The following MAF variants were observed in gnomAD, a reference collection of about 807,000 sequenced individuals.
MAF encodes the protein transcription factor Maf.
MAF carries 10 observed loss-of-function variants against 22.0 expected under a neutral mutation model. The observed-to-expected ratio is 0.45, with a 90% CI of 0.28 to 0.77. The LOEUF (loss-of-function observed/expected upper bound fraction) is 0.77. Among genes scored for constraint, MAF ranks in the 30% least tolerant of loss-of-function variants. MAF has a pLI of 0.12. For missense variants in MAF, 544 were observed against 548.4 expected (o/e 0.99, Z 0.08); for synonymous variants, 337 against 255.8 (o/e 1.32, Z -3.03).
chr16:79,319,125 C>T, the MAF span, among the ~76,000 whole-genome samples: 1 of 152,308 alleles, frequency 6.6e-6, no homozygotes, highest in South Asian at 2.1e-4. Context: ...CCCTGGCACA[C>T]TCCAAATATC....
At chr16:79,356,182 G>GCA in the MAF span, among the ~76,000 whole-genome samples, 88 of 150,416 alleles carry the variant, frequency 5.9e-4, no homozygotes, top group South Asian at 4.0e-3. Context: ...TCATACATGT[G>GCA]CACACACACA....
chr16:79,283,197 G>C, the MAF span, among the ~76,000 whole-genome samples: 260 of 152,278 alleles, frequency 1.7e-3, no homozygotes, highest in African/African-American at 5.9e-3. Flanking sequence ...TGGATGGATG[G>C]ATGAATGGAT....
At chr16:79,400,924 G>A in the MAF span, among the ~76,000 whole-genome samples, 2 of 152,282 alleles carry the variant, frequency 1.3e-5, no homozygotes, top group Non-Finnish European at 2.9e-5. Context: ...CTGAGCAGCT[G>A]ATCTGCCTGT....
At chr16:79,448,094 A>T in the MAF span, among the ~76,000 whole-genome samples, 1 of 152,170 alleles carries the variant, frequency 6.6e-6, no homozygotes, top group Non-Finnish European at 1.5e-5. Flanking sequence ...CTTAGTTGAT[A>T]AAGCAGCAGC....
chr16:79,539,257 A>C, the MAF span, among the ~76,000 whole-genome samples: 1 of 152,214 alleles, frequency 6.6e-6, no homozygotes, highest in South Asian at 2.1e-4. Flanking sequence ...TAATCCCAGC[A>C]CTTCGGGAGG....
the MAF span, among the ~76,000 whole-genome samples, chr16:79,232,253 G>A: frequency 2.6e-5 from 4 of 152,050 alleles, no homozygotes; most frequent in African/African-American, 9.6e-5. Flanking sequence ...TACATATACT[G>A]TGGTCTATTA....
chr16:79,361,502 C>T, the MAF span, among the ~76,000 whole-genome samples: 2 of 152,250 alleles, frequency 1.3e-5, no homozygotes, highest in South Asian at 2.1e-4. Flanking sequence ...TTAGCACTTT[C>T]CCCCGGATTG....
chr16:79,331,281 A>G, the MAF span, among the ~76,000 whole-genome samples: 1 of 152,192 alleles, frequency 6.6e-6, no homozygotes. Context: ...CAGTCAACAT[A>G]TACAGGCAGG....
At chr16:79,576,831 T>A in the MAF span, among the ~76,000 whole-genome samples, 1 of 152,226 alleles carries the variant, frequency 6.6e-6, no homozygotes, top group Non-Finnish European at 1.5e-5. Flanking sequence ...TATTTAGTCC[T>A]CTACACATGC....
chr16:79,426,873 A>G, the MAF span, among the ~76,000 whole-genome samples: 9 of 152,212 alleles, frequency 5.9e-5, no homozygotes, highest in Non-Finnish European at 1.0e-4. Flanking sequence ...AAATCCCACA[A>G]TGAAGCTGAC....
the MAF span, among the ~76,000 whole-genome samples, chr16:79,487,745 A>G: frequency 2.0e-5 from 3 of 152,184 alleles, no homozygotes; most frequent in African/African-American, 7.2e-5. Flanking sequence ...TCAACTTCGG[A>G]GACTACATCC....
At chr16:79,240,548 G>A in the MAF span, among the ~76,000 whole-genome samples, 1 of 143,324 alleles carries the variant, frequency 7.0e-6, no homozygotes, top group African/African-American at 2.7e-5. Context: ...CCAGTTAGGG[G>A]CTTATTGATA....
the MAF span, among the ~76,000 whole-genome samples, chr16:79,351,714 T>C: frequency 1.3e-5 from 2 of 152,012 alleles, no homozygotes; most frequent in Admixed American, 1.3e-4. Context: ...AGAAAGCCCA[T>C]TGCCCACCCC....
At chr16:79,439,914 G>T in the MAF span, among the ~76,000 whole-genome samples, 1 of 152,168 alleles carries the variant, frequency 6.6e-6, no homozygotes. Flanking sequence ...AGGGACTTGG[G>T]TTGCTGCTGT....
chr16:79,454,017 G>T, the MAF span, among the ~76,000 whole-genome samples: 3 of 152,150 alleles, frequency 2.0e-5, no homozygotes, highest in African/African-American at 4.8e-5. Context: ...TAGCCAAAAT[G>T]TATTGAGATT....
At chr16:79,251,215 T>C in the MAF span, among the ~76,000 whole-genome samples, 1 of 152,170 alleles carries the variant, frequency 6.6e-6, no homozygotes, top group Non-Finnish European at 1.5e-5. Flanking sequence ...ATTGGAAATT[T>C]GGCCGCTGAT....
chr16:79,310,629 G>A, the MAF span, among the ~76,000 whole-genome samples: 1 of 152,184 alleles, frequency 6.6e-6, no homozygotes, highest in Non-Finnish European at 1.5e-5. Context: ...ATTTTGCAAA[G>A]AGCTTCATCC....
chr16:79,230,568 G>T, the MAF span, among the ~76,000 whole-genome samples: 11 of 152,146 alleles, frequency 7.2e-5, no homozygotes, highest in Non-Finnish European at 1.6e-4. Flanking sequence ...TGGTTCTACA[G>T]CTGAGCAACC....
chr16:79,357,297 C>CAACAAT, the MAF span, among the ~76,000 whole-genome samples: 202 of 135,396 alleles, frequency 1.5e-3, 2 homozygotes, highest in African/African-American at 5.3e-3. Flanking sequence ...ACAACAACAA[C>CAACAAT]AATTAGCTGG....
Sources: gnomAD v4.1 joint callset for allele counts (sites outside exome capture counted in the v4.1 genomes callset) on GRCh38, gnomAD v4.1.1 for gene constraint, MANE v1.5 for transcripts, NCBI Gene and HGNC (gene_info 2026-07-23, HGNC 2026-07-21) for gene names.